Variants in SENP2 observed in about 807,000 individuals in gnomAD.
SENP2 encodes SUMO specific peptidase 2.
In SENP2, 16 loss-of-function variants were observed where a neutral mutation model predicts 86.3. The observed-to-expected ratio is 0.19, with a 90% CI of 0.13 to 0.28. The LOEUF (loss-of-function observed/expected upper bound fraction) is 0.28. Ranked by LOEUF, SENP2 falls within the 10% of genes least tolerant of loss-of-function variation. SENP2 has a pLI of 1.00. For missense variants in SENP2, 552 were observed against 703.0 expected, an observed-to-expected ratio of 0.79 and a Z score of 2.43; for synonymous variants, 222 against 238.7, an observed-to-expected ratio of 0.93 and a Z score of 0.64.
chr3:185,619,684 TTTTA>T (rs904682442), intron 13 of SENP2, among the ~76,000 whole-genome samples, 182 bp downstream of exon 13: 1 of 151,972 alleles, frequency 6.6e-6, no homozygotes, highest in Admixed American at 6.6e-5. Flanking sequence ...TTTTAGTTCT[TTTTA>T]TTTATTTATT....
intron 2 of SENP2, among the ~76,000 whole-genome samples, chr3:185,593,343 T>C (rs771083365): frequency 3.9e-5 from 6 of 152,102 alleles, no homozygotes; most frequent in Non-Finnish European, 7.4e-5. Context: ...CTCCTGGGCT[T>C]AATTAAGTGA....
intron 2 of SENP2, among the ~76,000 whole-genome samples, chr3:185,590,464 C>G (rs962069292): frequency 1.3e-5 from 2 of 151,638 alleles, no homozygotes; most frequent in Non-Finnish European, 2.9e-5. Flanking sequence ...AGGAGAATCG[C>G]TTGAACCTGG....
chr3:185,606,465 G>C lies in SENP2; in HGVS notation c.585G>C (p.Lys195Asn). 6.2e-7 allele frequency: 1 copy of C among 1,612,860 alleles called. No homozygotes were observed. Among genetic ancestry groups the C allele is most frequent in the Middle Eastern group, 1.7e-4 (1 of 6,052 alleles). ...VTEMISEESG[K>N]GLRRPHCTVE... ...AGATGATTTCTGAAGAGAGTGGCAA[G>C]GGTCTGAGGCGTCCCCATTGTACTG... Residue 195 changes from lysine (K) to asparagine (N), a missense_variant, in exon 6 of 17, where the codon AAG (lysine) becomes AAC (asparagine). Lys to Asn is a moderately conservative substitution (Grantham distance 94, BLOSUM62 0). Coordinates refer to ENST00000296257, the MANE Select transcript of SENP2 (RefSeq NM_021627.3).
chr3:185,601,206 G>A (rs544135745), intron 5 of SENP2, among the ~76,000 whole-genome samples: 42 of 151,876 alleles, frequency 2.8e-4, no homozygotes, highest in African/African-American at 8.0e-4. Context: ...CACCATGCCC[G>A]GCTAATTTTT....
chr3:185,624,176 C>T (rs972105967), intron 15 of SENP2, 94 bp downstream of exon 15: 2 of 752,008 alleles, frequency 2.7e-6, no homozygotes, highest in Non-Finnish European at 4.4e-6. Context: ...TCCTCCCTCC[C>T]TGCATGCTTT....
At chr3:185,602,939 G>T (rs1386980398) in intron 5 of SENP2, among the ~76,000 whole-genome samples, 1 of 128,838 alleles carries the variant, frequency 7.8e-6, no homozygotes, top group African/African-American at 3.0e-5. Context: ...TTGGGATGGA[G>T]TCTTGCTCTG....
chr3:185,621,750 C>A, intron 13 of SENP2, 76 bp from the exon 14 acceptor site: 1 of 865,666 alleles, frequency 1.2e-6, no homozygotes, highest in Non-Finnish European at 1.8e-6. Flanking sequence ...TTAAAAGATG[C>A]TTTTATTTTT....
rs772213274 is a variant in SENP2 at position 185,609,397 on chromosome 3, GTT to G, written c.722+49_722+50del. On this transcript the variant is annotated intron_variant, in intron 7 of 16. Coordinates refer to ENST00000296257, the MANE Select transcript of SENP2 (RefSeq NM_021627.3). ...ATGCTTTGCTAGGCATCTTTTGTTT[GTT>G]TGTTTTTGGAGAAAGTATTGGTGGG... 5.0e-6 allele frequency: 7 copies of G among 1,387,510 alleles called. No homozygotes were observed. The African/African-American group carries it at 1.0e-4, about 20-fold the overall frequency. The allele number at this position is 1,387,510 out of a possible 1,614,324, so 85.9% of individuals were successfully genotyped here. A position where few individuals can be genotyped will look rare whatever the true frequency, so the allele number is the denominator to read the frequency against.
intron 1 of SENP2, among the ~76,000 whole-genome samples, chr3:185,588,571 G>T (rs150444786): frequency 1.3e-5 from 2 of 152,302 alleles, no homozygotes; most frequent in African/African-American, 4.8e-5. Context: ...GAGAGAACAA[G>T]ATGTCTAATA....
chr3:185,586,524 G>C lies in SENP2; in HGVS notation c.101+10G>C. 1 of 1,609,862 alleles carries C rather than the reference G, an allele frequency of 6.2e-7. No individual in the cohort carries two copies. Among genetic ancestry groups the C allele is most frequent in the South Asian group, 1.1e-5 (1 of 91,036 alleles). ...GGCGGCGCTCAGACAGGTGAGACGA[G>C]AGGGGGCTGAGCGCCAGCCTGGCCT... On this transcript the variant is annotated intron_variant, in intron 1 of 16. Transcript: ENST00000296257. The surrounding 1 kb of genome is among the most constrained non-coding windows in gnomAD (Gnocchi z 4.3).
intron 5 of SENP2, 33 bp downstream of exon 5, chr3:185,600,888 T>TTA (rs1427347618): frequency 1.4e-6 from 2 of 1,401,434 alleles, no homozygotes; most frequent in Non-Finnish European, 2.0e-6. Flanking sequence ...AAATGGAAAC[T>TTA]TAGCATTTAT....
chr3:185,623,826 C>CAAAAAAAAAA (rs63707460), intron 14 of SENP2, among the ~76,000 whole-genome samples, 172 bp from the exon 15 acceptor site: 5 of 47,786 alleles, frequency 1.0e-4, no homozygotes, highest in African/African-American at 3.1e-4. Flanking sequence ...GACTCTGTCT[C>CAAAAAAAAAA]AAAAAAAAAA....
rs1712548557 is a variant in SENP2 at position 185,632,792 on chromosome 3, G to A, written c.*2948G>A. On this transcript the variant is annotated 3_prime_UTR_variant, in exon 17 of 17. Coordinates refer to ENST00000296257, the MANE Select transcript of SENP2 (RefSeq NM_021627.3). ...GCCCGCCTCGGCCTCCCAAAGTGCT[G>A]GGATTACAGGCGTGAGCCATTGCAC... is the stretch of plus-strand genomic sequence containing the variant. The A allele has an allele frequency of 6.6e-6, 1 of 152,452 alleles. No individual in the cohort carries two copies. The highest frequency in any genetic ancestry group is 6.5e-5 in the Admixed American group (1 of 15,282). 9.4% of individuals were successfully genotyped at this position (152,452 alleles called of 1,614,324 possible).
At chr3:185,620,229 A>AT (rs1392249411) in intron 13 of SENP2, among the ~76,000 whole-genome samples, 4 of 151,476 alleles carry the variant, frequency 2.6e-5, no homozygotes, top group Admixed American at 2.6e-4. Flanking sequence ...TGCCTGGCTA[A>AT]TTTTTTTTAA....
Position 185,609,346 on chromosome 3 carries a change from C to T in SENP2, c.718C>T (p.His240Tyr). 1.2e-6 allele frequency: 2 copies of T among 1,603,322 alleles called. No homozygotes were observed. The change falls in exon 7 of 17, where the codon CAC becomes TAC. Residue 240 changes from histidine to tyrosine, a missense_variant. This residue lies in a region of SENP2 where 383 missense variants were observed against 427.3 expected (regional missense o/e 0.90). Transcript: ENST00000296257. ...NSVCPVTSNY[H>Y]SSQRSQMDTL... ...TGTCTGTCCTGTAACTTCAAATTAT[C>T]ACAGGTGACAGTGAGCTAACAGATA... is the stretch of plus-strand genomic sequence containing the variant.
At chr3:185,587,750 TTTGAGACAGAGTCTCATTTTG>T in intron 1 of SENP2, among the ~76,000 whole-genome samples, 1 of 143,798 alleles carries the variant, frequency 7.0e-6, no homozygotes, top group East Asian at 2.0e-4. Context: ...TTTTTTTTTT[TTTGAGACAGAGTCTCATTTTG>T]TTGCCCAGGC....
In SENP2 at chr3:185,631,691, C is replaced by CA. The variant is rs2148999239; in HGVS notation, c.*1852dup. On this transcript the variant is annotated 3_prime_UTR_variant, in exon 17 of 17. Coordinates refer to ENST00000296257, the MANE Select transcript of SENP2 (RefSeq NM_021627.3). Reference sequence around the variant, plus strand: ...GCTGGGACCAGGTAATGAGCACAGCCAAAAAGGCCAGAGGTTCACTAGGTC... The same window carrying CA: ...GCTGGGACCAGGTAATGAGCACAGCCAAAAAAGGCCAGAGGTTCACTAGGTC... The CA allele has an allele frequency of 8.2e-6, 1 of 121,552 alleles. No homozygotes were observed. Among genetic ancestry groups the CA allele is most frequent in the South Asian group, 3.1e-4 (1 of 3,176 alleles). The allele number at this position is 121,552 out of a possible 1,614,324, so 7.5% of individuals were successfully genotyped here. A position where few individuals can be genotyped will look rare whatever the true frequency, so the allele number is the denominator to read the frequency against.
At chr3:185,598,075 C>T (rs1409786305) in intron 2 of SENP2, among the ~76,000 whole-genome samples, 1 of 152,180 alleles carries the variant, frequency 6.6e-6, no homozygotes, top group African/African-American at 2.4e-5. Context: ...TGCAGTAGCA[C>T]AATCACAGCT....
At chr3:185,601,785 G>A (rs775078483) in intron 5 of SENP2, among the ~76,000 whole-genome samples, 17 of 151,590 alleles carry the variant, frequency 1.1e-4, no homozygotes, top group East Asian at 7.8e-4. Context: ...TTACAGGGGC[G>A]TGCCACCATG....
Sources: gnomAD v4.1 joint callset for allele counts (sites outside exome capture counted in the v4.1 genomes callset) on GRCh38, gnomAD v4.1.1 for gene constraint, gnomAD v4.1.1 regional missense constraint, Gnocchi (gnomAD v3.1) non-coding constraint, MANE v1.5 for transcripts, NCBI Gene and HGNC (gene_info 2026-07-23, HGNC 2026-07-21) for gene names.